GAN: variants seen among roughly 807,000 people sequenced by gnomAD.
GAN encodes epididymis secretory sperm binding protein.
In GAN, 48 loss-of-function variants were observed where a neutral mutation model predicts 71.3. The observed-to-expected ratio is 0.67, with a 90% CI of 0.53 to 0.86. GAN has a LOEUF of 0.86. Among genes scored for constraint, GAN ranks in the 40% least tolerant of loss-of-function variants. The pLI is 0.00. For missense variants in GAN, 928 were observed against 770.1 expected, an observed-to-expected ratio of 1.21 and a Z score of -2.43; for synonymous variants, 386 against 276.8, an observed-to-expected ratio of 1.39 and a Z score of -3.92.
At chr16:81,376,886 C>A (rs1904283294) in intron 9 of GAN, among the ~76,000 whole-genome samples, 1 of 152,038 alleles carries the variant, frequency 6.6e-6, no homozygotes, top group Non-Finnish European at 1.5e-5. Context: ...CTGGTACATC[C>A]GTATGATGGA....
intron 6 of GAN, among the ~76,000 whole-genome samples, chr16:81,363,164 A>G (rs1910735432): frequency 6.6e-6 from 1 of 152,230 alleles, no homozygotes; most frequent in Non-Finnish European, 1.5e-5. Flanking sequence ...CCTGTCCTCC[A>G]CAGCCCTTTC....
chr16:81,368,913 C>T (rs779232179), intron 9 of GAN, among the ~76,000 whole-genome samples: 1 of 152,158 alleles, frequency 6.6e-6, no homozygotes, highest in Non-Finnish European at 1.5e-5. Flanking sequence ...TTTCCCACTG[C>T]TTACTAAACA....
At chr16:81,348,711 A>C (rs1021085940) in intron 1 of GAN, among the ~76,000 whole-genome samples, 1 of 152,208 alleles carries the variant, frequency 6.6e-6, no homozygotes, top group South Asian at 2.1e-4. Context: ...AATGTGCAGG[A>C]AGCTCAGAGC....
rs758517277 is a variant in GAN, at chr16:81,357,797, T to G, written c.852-13T>G. On this transcript the variant is annotated splice_polypyrimidine_tract_variant and intron_variant, in intron 4 of 10. Coordinates refer to ENST00000648994, the MANE Select transcript of GAN (RefSeq NM_022041.4). The stretch of plus-strand genomic sequence containing the variant: ...AAGCACATTAACTACTGATCACTTA[T>G]TTACTTCCTTAGTTCACGGAAACCC... 8 of 1,611,388 alleles carry G rather than the reference T, an allele frequency of 5.0e-6. No individual in the cohort carries two copies. Among genetic ancestry groups the G allele is most frequent in the Non-Finnish European group, 6.8e-6 (8 of 1,177,542 alleles).
At chr16:81,316,969 C>T (rs1270495774) in intron 1 of GAN, among the ~76,000 whole-genome samples, 1 of 152,162 alleles carries the variant, frequency 6.6e-6, no homozygotes, top group Non-Finnish European at 1.5e-5. Flanking sequence ...AGCGATTCTC[C>T]TGCCTCAGCC....
rs751181075 is a variant in GAN, at chr16:81,351,704, T to C, written c.282+7T>C. ...TTACATCTTCAGTGGGCAGGTATGATGAGAAACAAAGGAAGGAAGACCTAA... is the reference window on the plus strand; with the variant it reads ...TTACATCTTCAGTGGGCAGGTATGACGAGAAACAAAGGAAGGAAGACCTAA... On this transcript the variant is annotated splice_region_variant and intron_variant, in intron 2 of 10. Transcript: ENST00000648994. 1 of 1,292,844 alleles carries C rather than the reference T, an allele frequency of 7.7e-7. No homozygotes were observed. Among genetic ancestry groups the C allele is most frequent in the Non-Finnish European group, 1.1e-6 (1 of 886,174 alleles). 80.1% of individuals were successfully genotyped at this position (1,292,844 alleles called of 1,614,324 possible).
At chr16:81,373,236 A>G (rs1327515992) in intron 9 of GAN, among the ~76,000 whole-genome samples, 3 of 152,112 alleles carry the variant, frequency 2.0e-5, no homozygotes, top group Non-Finnish European at 4.4e-5. Context: ...AGTGATGACC[A>G]TATGACTGTG....
rs891136694 is a variant in GAN at position 81,379,311 on chromosome 16, C to G, written c.*1715C>G. Reference sequence around the variant, plus strand: ...TCAAAAGTTGCTGAAAGATGCTGTGCCTATGGGGTTCTAGAGAGTGTTGAG... The same window carrying G: ...TCAAAAGTTGCTGAAAGATGCTGTGGCTATGGGGTTCTAGAGAGTGTTGAG... On this transcript the variant is annotated 3_prime_UTR_variant, in exon 11 of 11. Transcript: ENST00000648994. The G allele has an allele frequency of 2.2e-4, 33 of 152,216 alleles. No individual in the cohort carries two copies. Among genetic ancestry groups the G allele is most frequent in the African/African-American group, 7.9e-4 (33 of 41,538 alleles). The allele number at this position is 152,216 out of a possible 1,614,324, so 9.4% of individuals were successfully genotyped here.
chr16:81,314,980 C>A lies in GAN; in HGVS notation c.-134C>A. On this transcript the variant is annotated 5_prime_UTR_variant, in exon 1 of 11. Transcript: ENST00000648994. ...GCGCCGCGGATAGCACAGGCACGTC[C>A]CGGGGGCTCCAGCTTCTGCTCAGAG... 4 of 729,598 alleles carry A rather than the reference C, an allele frequency of 5.5e-6. No homozygotes were observed. Among genetic ancestry groups the A allele is most frequent in the Non-Finnish European group, 7.9e-6 (4 of 506,220 alleles). The allele number at this position is 729,598 out of a possible 1,614,324, so 45.2% of individuals were successfully genotyped here.
rs1344626293 is a variant in GAN, at chr16:81,387,501, C to G, written c.*9905C>G. 6.6e-6 allele frequency: 1 copy of G among 152,568 alleles called. No individual in the cohort carries two copies. The highest frequency in any genetic ancestry group is 2.4e-5 in the African/African-American group (1 of 41,458). 9.5% of individuals were successfully genotyped at this position (152,568 alleles called of 1,614,324 possible). ...GGGAACGAGCCTCTGCCTGTGTGTC[C>G]TGACCCCTCTTGCCTTGTTTTTGAT... On this transcript the variant is annotated 3_prime_UTR_variant, in exon 11 of 11. Transcript: ENST00000648994.
chr16:81,355,596 C>G (rs1443116460), intron 3 of GAN, among the ~76,000 whole-genome samples: 4 of 152,194 alleles, frequency 2.6e-5, no homozygotes, highest in Non-Finnish European at 5.9e-5. Context: ...CTCCTGTGCT[C>G]AAGCAATCCT....
At position 81,356,966 on chromosome 16, in the gene GAN, C is replaced by G. The variant is rs747555729; in HGVS notation, c.815C>G (p.Ser272Cys). ...GCCAACTTCAAACCCCGGGGCTACT[C>G]TGAGTGCATCGTGACTGTTGGTGGA... ...MLANFKPRGY[S>C]ECIVTVGGEE... The change falls in exon 4 of 11, where the codon TCT becomes TGT. Residue 272 changes from serine (S) to cysteine (C), a missense_variant. Transcript: ENST00000648994. The G allele has an allele frequency of 2.5e-6, 4 of 1,612,406 alleles. No individual in the cohort carries two copies. The highest frequency in any genetic ancestry group is 1.7e-6 in the Non-Finnish European group (2 of 1,178,878).
rs1023888727 is a variant in GAN, at chr16:81,389,104, G to A, written c.*11508G>A. The A allele has an allele frequency of 6.6e-6, 1 of 152,114 alleles. No homozygotes were observed. Among genetic ancestry groups the A allele is most frequent in the Non-Finnish European group, 1.5e-5 (1 of 68,032 alleles). 9.4% of individuals were successfully genotyped at this position (152,114 alleles called of 1,614,324 possible). On this transcript the variant is annotated 3_prime_UTR_variant, in exon 11 of 11. Coordinates refer to ENST00000648994, the MANE Select transcript of GAN (RefSeq NM_022041.4). ...TCCTAGATCGTACCTCAAAATTCAG[G>A]CTCTCCATGAAAACAAAGATAATCT...
chr16:81,370,112 C>T (rs901644579), intron 9 of GAN, among the ~76,000 whole-genome samples: 5 of 152,224 alleles, frequency 3.3e-5, no homozygotes, highest in African/African-American at 1.2e-4. Context: ...TATGCCTCCA[C>T]AGCCTTGCCT....
chr16:81,371,360 C>T (rs890707803), intron 9 of GAN, among the ~76,000 whole-genome samples: 1 of 152,146 alleles, frequency 6.6e-6, no homozygotes, highest in Non-Finnish European at 1.5e-5. Context: ...TTTTCTGGCT[C>T]TTCTTCTGTT....
In GAN at chr16:81,379,713, G is replaced by C. The variant is rs886201207; in HGVS notation, c.*2117G>C. 6.6e-6 allele frequency: 1 copy of C among 152,186 alleles called. No homozygotes were observed. Among genetic ancestry groups the C allele is most frequent in the Non-Finnish European group, 1.5e-5 (1 of 68,026 alleles). The allele number at this position is 152,186 out of a possible 1,614,324, so 9.4% of individuals were successfully genotyped here. On this transcript the variant is annotated 3_prime_UTR_variant, in exon 11 of 11. Transcript: ENST00000648994. The stretch of plus-strand genomic sequence containing the variant: ...TTGGCATTCAGCAGCTGTAATTGGG[G>C]AACATTAAAACAGTAACTGACATCC...
rs781439120 is a variant in GAN, at chr16:81,378,891, T to C, written c.*1295T>C. 5 of 152,610 alleles carry C rather than the reference T, an allele frequency of 3.3e-5. No individual in the cohort carries two copies. Among genetic ancestry groups the C allele is most frequent in the African/African-American group, 1.2e-4 (5 of 41,432 alleles). 9.5% of individuals were successfully genotyped at this position (152,610 alleles called of 1,614,324 possible). ...TTCGTGGAACGTATCTTGTAAGATA[T>C]TTTGTTTTCCACTTGAATTACACCA... On this transcript the variant is annotated 3_prime_UTR_variant, in exon 11 of 11. Coordinates refer to ENST00000648994, the MANE Select transcript of GAN (RefSeq NM_022041.4).
intron 9 of GAN, among the ~76,000 whole-genome samples, chr16:81,376,795 C>G (rs1017609826): frequency 6.6e-6 from 1 of 151,992 alleles, no homozygotes; most frequent in South Asian, 2.1e-4. Flanking sequence ...GGAGGATCAC[C>G]TGAACTGGTA....
intron 5 of GAN, among the ~76,000 whole-genome samples, chr16:81,358,354 C>T (rs1016657640): frequency 2.6e-5 from 4 of 152,096 alleles, no homozygotes; most frequent in Non-Finnish European, 4.4e-5. Context: ...GTGGCTCACA[C>T]CTGTAATCCC....
Sources: gnomAD v4.1 joint callset for allele counts (sites outside exome capture counted in the v4.1 genomes callset) on GRCh38, gnomAD v4.1.1 for gene constraint, MANE v1.5 for transcripts, NCBI Gene and HGNC (gene_info 2026-07-23, HGNC 2026-07-21) for gene names.